The following DNMT3A variants were observed in gnomAD, a reference collection of about 807,000 sequenced individuals.
DNMT3A encodes the protein DNA methyltransferase 3 alpha.
Under a neutral mutation model 117.6 loss-of-function variants are expected in DNMT3A, and 267 were observed. The ratio of observed to expected loss-of-function variants is 2.27; its 90% confidence interval spans 2.05 to 2.51. DNMT3A has a LOEUF of 2.51. Among genes scored for constraint, DNMT3A ranks in the 30% most tolerant of loss-of-function variants. DNMT3A has a pLI of 0.00. For synonymous variants in DNMT3A, 432 were observed against 474.8 expected (o/e 0.91, Z 1.17); for missense variants, 1,029 against 1,260.2 (o/e 0.82, Z 2.78).
intron 13 of DNMT3A, among the ~76,000 whole-genome samples, chr2:25,244,884 G>T (rs1674553737): frequency 6.6e-6 from 1 of 152,176 alleles, no homozygotes; most frequent in Non-Finnish European, 1.5e-5. Context: ...CCAGGGAGGG[G>T]GCTGCACCAC....
At position 25,304,633 on chromosome 2, in the gene DNMT3A, C is replaced by T. The variant is rs1393953914; in HGVS notation, c.73-4390G>A. Reference sequence around the variant, plus strand: ...CTCTGCAGAGCTTAAACCTTTGCCACGGGGGTTCCCGGGGGCCAGGAGGAT... The same window carrying T: ...CTCTGCAGAGCTTAAACCTTTGCCATGGGGGTTCCCGGGGGCCAGGAGGAT... On this transcript the variant is annotated intron_variant, in intron 2 of 22. Transcript: ENST00000321117. The surrounding 1 kb of genome is among the most constrained non-coding windows in gnomAD (Gnocchi z 4.3). 5.3e-5 allele frequency among the ~76,000 whole-genome samples: 8 copies of T among 152,232 alleles called. No individual in the cohort carries two copies. Among genetic ancestry groups the T allele is most frequent in the Non-Finnish European group, 8.8e-5 (6 of 68,048 alleles).
At chr2:25,251,482 GAACTCCGGTGACT>G (rs1309569976) in intron 6 of DNMT3A, among the ~76,000 whole-genome samples, 1 of 152,114 alleles carries the variant, frequency 6.6e-6, no homozygotes, top group Admixed American at 6.5e-5. Context: ...AAGCCACCGG[GAACTCCGGTGACT>G]ACTGCCTCCG....
In DNMT3A at chr2:25,246,267, A is replaced by C. The variant is rs1272902565; in HGVS notation, c.1322T>G (p.Val441Gly). 1.2e-6 allele frequency: 2 copies of C among 1,613,822 alleles called. No individual in the cohort carries two copies. The highest frequency in any genetic ancestry group is 2.2e-5 in the South Asian group (2 of 91,030). The change falls in exon 11 of 23, where the codon GTG becomes GGG. Residue 441 changes from valine to glycine, a missense_variant. Transcript: ENST00000321117. Reference protein sequence around the residue: ...PYKEVYTDMWVEPEAAAYAPP... With the variant: ...PYKEVYTDMWGEPEAAAYAPP... ...TGCGTAGGCAGCTGCCTCAGGTTCC[A>C]CCCACATGTCCGTGTACACTTCTTT...
At chr2:25,307,458 GC>G (rs1426628968) in intron 2 of DNMT3A, among the ~76,000 whole-genome samples, 2 of 112,398 alleles carry the variant, frequency 1.8e-5, no homozygotes, top group African/African-American at 6.4e-5. Flanking sequence ...ACACACCGCA[GC>G]TTTTTTTTTT....
chr2:25,342,115 C>G (rs1363181774), upstream of DNMT3A, among the ~76,000 whole-genome samples: 1 of 144,460 alleles, frequency 6.9e-6, no homozygotes, highest in Non-Finnish European at 1.5e-5. This position sits in a 1 kb window ranked among gnomAD's most constrained non-coding sequence, Gnocchi z 5.9. Flanking sequence ...CCCCCGCGGC[C>G]GCGCTGGCCC....
intron 20 of DNMT3A, among the ~76,000 whole-genome samples, chr2:25,238,472 C>T (rs146632421): frequency 1.4e-4 from 22 of 152,342 alleles, no homozygotes; most frequent in African/African-American, 4.6e-4. Flanking sequence ...CCACAATGGA[C>T]AGGGACTGAG....
At chr2:25,308,115 G>A (rs894207419) in intron 2 of DNMT3A, among the ~76,000 whole-genome samples, 2 of 152,104 alleles carry the variant, frequency 1.3e-5, no homozygotes, top group African/African-American at 4.8e-5. Flanking sequence ...CTTCTCCCAC[G>A]CCCCTGCAAT....
intron 1 of DNMT3A, among the ~76,000 whole-genome samples, chr2:25,341,170 C>T (rs1398380732): frequency 6.9e-6 from 1 of 145,314 alleles, no homozygotes; most frequent in South Asian, 2.1e-4. Context: ...CCCCGGGGGC[C>T]TCCCGGGTCC....
At position 25,313,950 on chromosome 2, in the gene DNMT3A, G is replaced by C. The variant is rs1013949923; in HGVS notation, c.35C>G (p.Thr12Ser). The C allele has an allele frequency of 2.6e-6, 4 of 1,550,392 alleles. No individual in the cohort carries two copies. Among genetic ancestry groups the C allele is most frequent in the East Asian group, 2.4e-5 (1 of 41,364 alleles). Residue 12 changes from threonine to serine, a missense_variant, in exon 2 of 23, where the codon ACC becomes AGC. Transcript: ENST00000321117. ...PAMPSSGPGD[T>S]SSSAAEREED... is the part of the protein sequence containing the mutation. ...CTCCCGCTCCGCAGCAGAGCTGCTG[G>C]TGTCCCCGGGGCCGCTGGAGGGCAT...
rs767236033 is a variant in DNMT3A at position 25,247,076 on chromosome 2, C to A, written c.1097G>T (p.Arg366Leu). The A allele has an allele frequency of 6.2e-7, 1 of 1,614,008 alleles. No individual in the cohort carries two copies. Among genetic ancestry groups the A allele is most frequent in the Non-Finnish European group, 8.5e-7 (1 of 1,179,948 alleles). Residue 366 changes from arginine to leucine, a missense_variant, in exon 9 of 23, where the codon CGC becomes CTC. Coordinates refer to ENST00000321117, the MANE Select transcript of DNMT3A (RefSeq NM_022552.5). This position sits in a 1 kb window ranked among gnomAD's most constrained non-coding sequence, Gnocchi z 5.6. The stretch of plus-strand genomic sequence containing the variant: ...CTGCAGGACCTCGTAGATGGCTTTG[C>A]GGTACATGGGCTGCTTGTTGTACGT... ...QATYNKQPMY[R>L]KAIYEVLQVA...
At chr2:25,267,927 G>C (rs2030507322) in intron 6 of DNMT3A, among the ~76,000 whole-genome samples, 1 of 152,222 alleles carries the variant, frequency 6.6e-6, no homozygotes. Flanking sequence ...CATCCACAGA[G>C]GAGGAACCTC....
chr2:25,238,764 C>T (rs558177978), intron 20 of DNMT3A, among the ~76,000 whole-genome samples: 85 of 152,296 alleles, frequency 5.6e-4, no homozygotes, highest in Admixed American at 2.4e-3. Context: ...AACTCCCCTT[C>T]CCAGCCCCAA....
chr2:25,231,283 A>C lies in DNMT3A; in HGVS notation c.*2996T>G, dbSNP rs1558647096. The C allele has an allele frequency of 6.6e-6, 1 of 152,274 alleles. No individual in the cohort carries two copies. Among genetic ancestry groups the C allele is most frequent in the South Asian group, 2.1e-4 (1 of 4,834 alleles). The allele number at this position is 152,274 out of a possible 1,614,324, so 9.4% of individuals were successfully genotyped here. ...CAAGGAGGAGCTGGGTGAGCACCAC[A>C]GTTAGCACAGGGACTCCACTGAGGG... On this transcript the variant is annotated 3_prime_UTR_variant, in exon 23 of 23. Coordinates refer to ENST00000321117, the MANE Select transcript of DNMT3A (RefSeq NM_022552.5).
chr2:25,313,519 C>T (rs900712761), intron 2 of DNMT3A, among the ~76,000 whole-genome samples: 1 of 152,170 alleles, frequency 6.6e-6, no homozygotes, highest in Non-Finnish European at 1.5e-5. Context: ...CTACTGAACA[C>T]CTTAAGGAAA....
intron 22 of DNMT3A, 39 bp downstream of exon 22, chr2:25,235,668 C>T (rs746767195): frequency 5.6e-5 from 87 of 1,542,056 alleles, no homozygotes; most frequent in Non-Finnish European, 7.1e-5. Flanking sequence ...GCAATCAGAA[C>T]AGCCACACCG....
chr2:25,256,352 C>G (rs1676141133), intron 6 of DNMT3A, among the ~76,000 whole-genome samples: 1 of 152,174 alleles, frequency 6.6e-6, no homozygotes, highest in South Asian at 2.1e-4. Flanking sequence ...TCATGCTGTT[C>G]CTTCTTCCTG....
At chr2:25,328,164 T>G (rs1283732708) in intron 1 of DNMT3A, among the ~76,000 whole-genome samples, 3 of 152,214 alleles carry the variant, frequency 2.0e-5, no homozygotes, top group Non-Finnish European at 4.4e-5. Context: ...AACTGTACAC[T>G]TATATGGGTG....
At chr2:25,325,362 G>C (rs2034746311) in intron 1 of DNMT3A, among the ~76,000 whole-genome samples, 1 of 152,202 alleles carries the variant, frequency 6.6e-6, no homozygotes, top group Non-Finnish European at 1.5e-5. Context: ...GTGAGAATCA[G>C]ACACATGGTC....
intron 6 of DNMT3A, 139 bp from the exon 7 acceptor site, chr2:25,248,391 T>C: frequency 1.1e-6 from 1 of 902,972 alleles, no homozygotes; most frequent in South Asian, 1.6e-5. Flanking sequence ...ACCAGCTGCC[T>C]TGCCGTGAAA....
Sources: allele counts gnomAD v4.1 joint callset (sites outside exome capture counted in the v4.1 genomes callset), GRCh38; gene constraint gnomAD v4.1.1; non-coding constraint Gnocchi (gnomAD v3.1); transcripts MANE v1.5; gene names NCBI Gene and HGNC (gene_info 2026-07-23, HGNC 2026-07-21).